SLC2A9: variants seen among roughly 807,000 people sequenced by gnomAD.
SLC2A9 encodes the protein solute carrier family 2, facilitated glucose transporter member 9.
A neutral mutation model predicts 50.6 loss-of-function variants in SLC2A9; 39 were observed. That is an observed-to-expected ratio of 0.77 (90% CI 0.60 to 1.01). The LOEUF is 1.01. Ranked by LOEUF, SLC2A9 falls within the 50% of genes least tolerant of loss-of-function variation. SLC2A9 has a pLI of 0.00. For synonymous variants in SLC2A9, 324 were observed against 276.9 expected (o/e 1.17, Z -1.69); for missense variants, 686 against 677.6 (o/e 1.01, Z -0.14).
At chr4:9,774,644 G>A (rs575278480) in intron 1 of SLC2A9, among the ~76,000 whole-genome samples, 3 of 152,196 alleles carry the variant, frequency 2.0e-5, no homozygotes, top group Admixed American at 6.5e-5. Context: ...ATTGACTTTT[G>A]TAACTGCAAA....
chr4:9,796,015 G>A, downstream of SLC2A9, among the ~76,000 whole-genome samples: 1 of 152,172 alleles, frequency 6.6e-6, no homozygotes, highest in East Asian at 1.9e-4. Flanking sequence ...CAAAATTGAG[G>A]AATAGAGAGG....
rs112091187 is a variant in SLC2A9, at chr4:9,972,377, T to A, written c.681+8215A>T. ...AGAGAAATAGCTAATTGATTTGTTT[T>A]AAAAAAAATATATCATTTGGAGTCA... On this transcript the variant is annotated intron_variant, in intron 5 of 11. Transcript: ENST00000264784. 5.2e-3 allele frequency among the ~76,000 whole-genome samples: 796 copies of A among 152,096 alleles called. 8 individuals carry two copies. The highest frequency in any genetic ancestry group is 0.018 in the African/African-American group (745 of 41,500).
chr4:9,976,108 G>T (rs1578153622), intron 5 of SLC2A9, among the ~76,000 whole-genome samples: 1 of 152,184 alleles, frequency 6.6e-6, no homozygotes, highest in Non-Finnish European at 1.5e-5. Context: ...TAGATGGAGG[G>T]GAGGGATAGA....
intron 3 of SLC2A9, among the ~76,000 whole-genome samples, chr4:9,780,341 G>C (rs1052512648): frequency 6.6e-6 from 1 of 152,200 alleles, no homozygotes; most frequent in African/African-American, 2.4e-5. Flanking sequence ...GCTCCCAGAA[G>C]ATGAGGAGAG....
chr4:9,868,796 T>C (rs1289294329), intron 10 of SLC2A9, among the ~76,000 whole-genome samples: 1 of 150,816 alleles, frequency 6.6e-6, no homozygotes, highest in Non-Finnish European at 1.5e-5. Flanking sequence ...ATAATGTTTA[T>C]TTTTTTTCAA....
chr4:9,837,803 G>T (rs1348115227), intron 10 of SLC2A9, among the ~76,000 whole-genome samples: 1 of 152,168 alleles, frequency 6.6e-6, no homozygotes, highest in Non-Finnish European at 1.5e-5. Context: ...AAGCAACCAT[G>T]AGGAGCCTGC....
At chr4:10,016,039 G>A (rs1275012422) in intron 2 of SLC2A9, among the ~76,000 whole-genome samples, 1 of 152,162 alleles carries the variant, frequency 6.6e-6, no homozygotes, top group African/African-American at 2.4e-5. Context: ...GCCTCCTCGG[G>A]GTGCTTGCTC....
chr4:9,939,200 G>C (rs946831095), intron 6 of SLC2A9, among the ~76,000 whole-genome samples: 3 of 152,108 alleles, frequency 2.0e-5, no homozygotes, highest in African/African-American at 7.2e-5. Flanking sequence ...CAGAGCTAAG[G>C]CCAACCTAGG....
chr4:9,884,947 C>T lies in SLC2A9; in HGVS notation c.1291+2620G>A, dbSNP rs139372859. Among the ~76,000 whole-genome samples, 1,208 of 152,266 alleles carry T rather than the reference C, an allele frequency of 7.9e-3. 15 individuals are homozygous for T. Among genetic ancestry groups the T allele is most frequent in the African/African-American group, 0.028 (1,146 of 41,556 alleles). ...GAAAACCAAACACCACATGTTCTCA[C>T]TCATAAGTGTGAGCTGAATAATGAG... On this transcript the variant is annotated intron_variant, in intron 10 of 11. Coordinates refer to ENST00000264784, the MANE Select transcript of SLC2A9 (RefSeq NM_020041.3).
At chr4:9,968,640 T>C (rs1243393258) in intron 5 of SLC2A9, among the ~76,000 whole-genome samples, 4 of 152,220 alleles carry the variant, frequency 2.6e-5, no homozygotes, top group African/African-American at 7.2e-5. Flanking sequence ...TTCTTGTTTA[T>C]GTTCCACAGT....
At chr4:9,991,116 A>C (rs1314107773) in intron 3 of SLC2A9, among the ~76,000 whole-genome samples, 1 of 152,138 alleles carries the variant, frequency 6.6e-6, no homozygotes. Context: ...CTGTGGTGTG[A>C]TTATGCCCCA....
At chr4:10,005,221 G>A (rs190306893) in intron 2 of SLC2A9, among the ~76,000 whole-genome samples, 10 of 152,366 alleles carry the variant, frequency 6.6e-5, no homozygotes, top group Admixed American at 5.9e-4. Flanking sequence ...TCCAAGTCAA[G>A]CAAGCAAGAA....
chr4:10,038,496 G>C (rs540390287), intron 1 of SLC2A9, among the ~76,000 whole-genome samples: 3 of 99,684 alleles, frequency 3.0e-5, no homozygotes, highest in South Asian at 4.1e-4. Flanking sequence ...GACAGAGTAA[G>C]ACTCTGTCTC....
rs564064708 is a variant in SLC2A9, at chr4:9,949,957, T to C, written c.682-7912A>G. 2.6e-3 allele frequency among the ~76,000 whole-genome samples: 390 copies of C among 152,284 alleles called. 2 individuals are homozygous for C. The highest frequency in any genetic ancestry group is 9.0e-3 in the African/African-American group (373 of 41,548). On this transcript the variant is annotated intron_variant, in intron 5 of 11. Coordinates refer to ENST00000264784, the MANE Select transcript of SLC2A9 (RefSeq NM_020041.3). Reference sequence around the variant, plus strand: ...CCAGCAAATGTTCATGGAGCTTCTTTGACCTTACCGTCCCTCCCAACAACT... The same window carrying C: ...CCAGCAAATGTTCATGGAGCTTCTTCGACCTTACCGTCCCTCCCAACAACT...
At chr4:9,877,518 T>C (rs1734497279) in intron 10 of SLC2A9, among the ~76,000 whole-genome samples, 1 of 152,246 alleles carries the variant, frequency 6.6e-6, no homozygotes, top group South Asian at 2.1e-4. Flanking sequence ...GAACAATGTT[T>C]GGACGAATCC....
intron 2 of SLC2A9, among the ~76,000 whole-genome samples, chr4:10,000,111 T>C (rs753131080): frequency 1.5e-5 from 2 of 131,862 alleles, no homozygotes; most frequent in Non-Finnish European, 3.1e-5. Flanking sequence ...TGTTTTCTCT[T>C]TCTTTCTGGA....
chr4:9,814,758 AG>A (rs2109009800), intron 3 of SLC2A9, among the ~76,000 whole-genome samples: 1 of 152,136 alleles, frequency 6.6e-6, no homozygotes, highest in African/African-American at 2.4e-5. Flanking sequence ...GCTAGAGCAA[AG>A]GTGTTTATCA....
At chr4:9,860,926 C>T (rs934501793) in intron 10 of SLC2A9, among the ~76,000 whole-genome samples, 2 of 152,168 alleles carry the variant, frequency 1.3e-5, no homozygotes, top group Non-Finnish European at 1.5e-5. Flanking sequence ...TGCGTGGCTG[C>T]CTCCTTCTTG....
chr4:9,895,313 G>C (rs989468090), intron 8 of SLC2A9, among the ~76,000 whole-genome samples: 1 of 152,188 alleles, frequency 6.6e-6, no homozygotes, highest in African/African-American at 2.4e-5. Flanking sequence ...AGAAAGAAGG[G>C]ATAAAAACAA....
Sources: allele counts gnomAD v4.1 joint callset (sites outside exome capture counted in the v4.1 genomes callset), GRCh38; gene constraint gnomAD v4.1.1; transcripts MANE v1.5; gene names NCBI Gene and HGNC (gene_info 2026-07-23, HGNC 2026-07-21).